CEP72: variants seen among roughly 807,000 people sequenced by gnomAD.
CEP72 encodes the protein centrosomal protein of 72 kDa.
Under a neutral mutation model 65.7 loss-of-function variants are expected in CEP72, and 78 were observed. The ratio of observed to expected loss-of-function variants is 1.19; its 90% CI spans 0.99 to 1.43. CEP72 has a LOEUF of 1.43. Ranked by LOEUF, CEP72 falls within the 40% of genes most tolerant of loss-of-function variation. CEP72 has a pLI of 0.00. For missense variants in CEP72, 914 were observed against 832.9 expected (o/e 1.10, Z -1.20); for synonymous variants, 358 against 351.7 (o/e 1.02, Z -0.20).
chr5:640,572 ACGG>A lies in CEP72; in HGVS notation c.1511_1513del (p.Ala504del). 6.2e-7 allele frequency: 1 copy of A among 1,613,654 alleles called. No homozygotes were observed. The highest frequency in any genetic ancestry group is 2.2e-5 in the East Asian group (1 of 44,884). ...GCACGCCCGGGAGATGAGCGAGGTG[ACGG>A]CGGAGCTGCACCACACACACAAGGA... On this transcript the variant is annotated inframe_deletion, in exon 9 of 12. Coordinates refer to ENST00000264935, the MANE Select transcript of CEP72 (RefSeq NM_018140.4).
intron 3 of CEP72, among the ~76,000 whole-genome samples, chr5:621,813 G>A (rs1476295287): frequency 6.6e-6 from 1 of 152,202 alleles, no homozygotes. Flanking sequence ...TCGCTTCATC[G>A]CCCAGGCTGG....
chr5:666,133 C>G (rs771495820), intron 4 of CEP72: 3 of 1,609,920 alleles, frequency 1.9e-6, no homozygotes, highest in Non-Finnish European at 2.5e-6. Context: ...TCTACAGGGG[C>G]ACAGGCGACT....
rs1736543489 is a variant in CEP72 at position 623,639 on chromosome 5, G to A, written c.404-832G>A. Among the ~76,000 whole-genome samples, 1 of 152,080 alleles carries A rather than the reference G, an allele frequency of 6.6e-6. No homozygotes were observed. Among genetic ancestry groups the A allele is most frequent in the South Asian group, 2.1e-4 (1 of 4,822 alleles). ...CGTCGTTAGTGCGGGGCTGGTGAAG[G>A]CCGGGGTGGAAAGGTTGCGGGAGGG... On this transcript the variant is annotated intron_variant, in intron 3 of 11. Coordinates refer to ENST00000264935, the MANE Select transcript of CEP72 (RefSeq NM_018140.4). This position sits in a 1 kb window ranked among gnomAD's most constrained non-coding sequence, Gnocchi z 5.3.
At chr5:668,589 T>TG (rs1391509877), downstream of CEP72, among the ~76,000 whole-genome samples, 5 of 152,088 alleles carry the variant, frequency 3.3e-5, no homozygotes, top group East Asian at 7.8e-4. Flanking sequence ...GGCCGCGGGG[T>TG]GGGGGCCTCG....
intron 5 of CEP72, among the ~76,000 whole-genome samples, chr5:635,003 C>T (rs993984145): frequency 6.6e-6 from 1 of 152,334 alleles, no homozygotes. Context: ...TCAAGTGATT[C>T]TCCTGCCTCA....
chr5:643,892 G>A (rs1305154808), intron 9 of CEP72, among the ~76,000 whole-genome samples: 2 of 152,222 alleles, frequency 1.3e-5, no homozygotes, highest in African/African-American at 2.4e-5. Flanking sequence ...CAGGGCCACC[G>A]GTGCCTCACA....
At chr5:675,349 AGTGTGGGGGTGTGCAGTGTGGC>A in the CEP72 span, among the ~76,000 whole-genome samples, 1 of 14,962 alleles carries the variant, frequency 6.7e-5, no homozygotes, top group Admixed American at 1.1e-3. Context: ...CTGGGGGTGC[AGTGTGGGGGTGTGCAGTGTGGC>A]CGGGGGTGCA....
chr5:616,212 C>T (rs1435641318), intron 1 of CEP72, among the ~76,000 whole-genome samples: 3 of 152,106 alleles, frequency 2.0e-5, no homozygotes, highest in Non-Finnish European at 4.4e-5. Flanking sequence ...GACAGATTCT[C>T]TTAGTTTTTC....
the CEP72 span, among the ~76,000 whole-genome samples, chr5:674,084 G>A: frequency 1.3e-5 from 2 of 152,244 alleles, no homozygotes; most frequent in East Asian, 3.8e-4. Flanking sequence ...CGGCCCTGCA[G>A]GGCTGACGGC....
chr5:648,212 TG>T (rs1738553382), intron 11 of CEP72, among the ~76,000 whole-genome samples: 1 of 150,346 alleles, frequency 6.7e-6, no homozygotes. Flanking sequence ...GACTGTGAGA[TG>T]GGACTGTGAG....
chr5:666,185 C>G (rs796903849), intron 4 of CEP72: 8 of 1,574,276 alleles, frequency 5.1e-6, no homozygotes, highest in Non-Finnish European at 6.9e-6. Flanking sequence ...CCTCCCCACG[C>G]GTGGGTCTGA....
At chr5:652,110 C>T (rs1043505019) in intron 11 of CEP72, among the ~76,000 whole-genome samples, 2 of 152,308 alleles carry the variant, frequency 1.3e-5, no homozygotes, top group Middle Eastern at 3.4e-3. Context: ...CAGTCGTGGG[C>T]AGGGCCATGT....
chr5:644,639 T>A (rs1738294781), intron 10 of CEP72, among the ~76,000 whole-genome samples: 1 of 152,092 alleles, frequency 6.6e-6, no homozygotes, highest in African/African-American at 2.4e-5. Flanking sequence ...CTGGCATGGA[T>A]GTAGGAGGCA....
chr5:622,660 T>C (rs1736466424), intron 3 of CEP72, among the ~76,000 whole-genome samples: 1 of 152,208 alleles, frequency 6.6e-6, no homozygotes, highest in Admixed American at 6.5e-5. Flanking sequence ...CTTGGGAGCA[T>C]GCGGCGTGCA....
chr5:614,371 T>C (rs1735861056), intron 1 of CEP72, among the ~76,000 whole-genome samples: 1 of 152,152 alleles, frequency 6.6e-6, no homozygotes, highest in Non-Finnish European at 1.5e-5. Context: ...AATTTTGTTA[T>C]GTTGTATTTT....
downstream of CEP72, among the ~76,000 whole-genome samples, chr5:656,709 G>T (rs1178945389): frequency 1.3e-5 from 2 of 152,032 alleles, no homozygotes; most frequent in East Asian, 3.8e-4. Flanking sequence ...ATGAGTAATG[G>T]GTTTTCTTTC....
downstream of CEP72, among the ~76,000 whole-genome samples, chr5:671,544 G>A (rs188547988): frequency 1.3e-5 from 2 of 152,344 alleles, no homozygotes; most frequent in African/African-American, 2.4e-5. Context: ...CCAAGGCCAC[G>A]CCCACCACTG....
chr5:667,526 A>C (rs1217887895), downstream of CEP72, among the ~76,000 whole-genome samples: 1 of 152,220 alleles, frequency 6.6e-6, no homozygotes, highest in Non-Finnish European at 1.5e-5. Flanking sequence ...AGAAATGGCA[A>C]CAAAACATGG....
At chr5:674,962 G>C in the CEP72 span, among the ~76,000 whole-genome samples, 1 of 150,028 alleles carries the variant, frequency 6.7e-6, no homozygotes, top group South Asian at 2.1e-4. Flanking sequence ...GTGCAGCCCT[G>C]AGAGTCAGTC....
Sources: allele counts gnomAD v4.1 joint callset (sites outside exome capture counted in the v4.1 genomes callset), GRCh38; gene constraint gnomAD v4.1.1; non-coding constraint Gnocchi (gnomAD v3.1); transcripts MANE v1.5; gene names NCBI Gene and HGNC (gene_info 2026-07-23, HGNC 2026-07-21).